Variants in ANKRD33B observed in about 807,000 individuals in gnomAD.
ANKRD33B encodes the protein ankyrin repeat domain 33B.
A neutral mutation model predicts 21.5 loss-of-function variants in ANKRD33B; 6 were observed. That is an observed-to-expected ratio of 0.28 (90% CI 0.15 to 0.55). The LOEUF (loss-of-function observed/expected upper bound fraction) is 0.55, where lower values mean the gene tolerates loss of function less well. Among genes scored for constraint, ANKRD33B ranks in the 20% least tolerant of loss-of-function variants. The pLI is 0.94. For missense variants in ANKRD33B, 698 were observed against 747.2 expected, an observed-to-expected ratio of 0.93 and a Z score of 0.77; for synonymous variants, 347 against 342.4, an observed-to-expected ratio of 1.01 and a Z score of -0.15.
rs1419808629 is a variant in ANKRD33B, at chr5:10,564,619, G to A, written c.152G>A (p.Ser51Asn). Reference protein sequence around the residue: ...EDFSSLPDTRSIASDDSFYPF... With the variant: ...EDFSSLPDTRNIASDDSFYPF... ...TTCTCGAGTCTGCCAGACACCCGCAGCATCGCCTCGGACGACTCTTTCTAC... is the reference window on the plus strand; with the variant it reads ...TTCTCGAGTCTGCCAGACACCCGCAACATCGCCTCGGACGACTCTTTCTAC... Residue 51 changes from serine (S) to asparagine (N), a missense_variant, in exon 1 of 4, where the codon AGC becomes AAC. Around this residue, in one of 3 missense-constraint regions of ANKRD33B, gnomAD observed 148 missense variants for 154.9 expected, o/e 0.96. Coordinates refer to ENST00000296657, the MANE Select transcript of ANKRD33B (RefSeq NM_001164440.2). The A allele has an allele frequency of 3.3e-6, 5 of 1,534,918 alleles. No individual in the cohort carries two copies. Among genetic ancestry groups the A allele is most frequent in the Non-Finnish European group, 4.4e-6 (5 of 1,146,674 alleles).
chr5:10,644,628 T>C (rs1737149370), intron 3 of ANKRD33B, among the ~76,000 whole-genome samples: 1 of 152,236 alleles, frequency 6.6e-6, no homozygotes, highest in Non-Finnish European at 1.5e-5. Flanking sequence ...AGGGTTGCTC[T>C]TGTCTCAGGG....
At position 10,609,722 on chromosome 5, in the gene ANKRD33B, G is replaced by A. The variant is rs995945417; in HGVS notation, c.367-8611G>A. On this transcript the variant is annotated intron_variant, in intron 1 of 3. Coordinates refer to ENST00000296657, the MANE Select transcript of ANKRD33B (RefSeq NM_001164440.2). ...TCAGGGGTTCGAGACCAGACTGGCCGACGTGGTGAAACCCCATTTCTACTA... is the reference window on the plus strand; with the variant it reads ...TCAGGGGTTCGAGACCAGACTGGCCAACGTGGTGAAACCCCATTTCTACTA... 9.2e-5 allele frequency among the ~76,000 whole-genome samples: 14 copies of A among 152,010 alleles called. No homozygotes were observed. The South Asian group carries it at 2.7e-3, about 29-fold the overall frequency.
At chr5:10,582,812 C>T (rs1735471606) in intron 1 of ANKRD33B, among the ~76,000 whole-genome samples, 1 of 152,210 alleles carries the variant, frequency 6.6e-6, no homozygotes, top group Admixed American at 6.5e-5. Flanking sequence ...TTTGGACCCT[C>T]ATCGCAGTTC....
chr5:10,640,262 C>T (rs78892812), intron 3 of ANKRD33B, among the ~76,000 whole-genome samples: 1 of 152,288 alleles, frequency 6.6e-6, no homozygotes, highest in African/African-American at 2.4e-5. Context: ...GGAAAATTCT[C>T]AGGCTATCAA....
At position 10,638,107 on chromosome 5, in the gene ANKRD33B, C is replaced by T. The variant is rs142868191; in HGVS notation, c.576C>T (p.Thr192=). Reference sequence around the variant, plus strand: ...AAAGGAGGAACGCGTTCGGGTTCACCGCCCTGATGAAAGCCGCCATGCAGG... The same window carrying T: ...AAAGGAGGAACGCGTTCGGGTTCACTGCCCTGATGAAAGCCGCCATGCAGG... ...DLERRNAFGF[T]ALMKAAMQGR... is the part of the protein sequence containing the mutation. Residue 192 remains threonine (T), a synonymous_variant, in exon 3 of 4, where the codon ACC becomes ACT. Transcript: ENST00000296657. 6 of 1,537,498 alleles carry T rather than the reference C, an allele frequency of 3.9e-6. No homozygotes were observed. Among genetic ancestry groups the T allele is most frequent in the East Asian group, 2.4e-5 (1 of 41,058 alleles).
intron 1 of ANKRD33B, among the ~76,000 whole-genome samples, chr5:10,610,985 G>A (rs541073334): frequency 3.9e-5 from 6 of 152,250 alleles, no homozygotes; most frequent in South Asian, 4.1e-4. Context: ...CGGAGGTTGC[G>A]GTAAGCTGAG....
intron 1 of ANKRD33B, among the ~76,000 whole-genome samples, chr5:10,607,889 C>A (rs566948291): frequency 2.0e-5 from 3 of 152,246 alleles, no homozygotes; most frequent in African/African-American, 7.2e-5. Flanking sequence ...TTCCTTTAGC[C>A]CTCTCTAGGA....
intron 3 of ANKRD33B, among the ~76,000 whole-genome samples, chr5:10,643,236 A>G (rs1737105829): frequency 1.3e-5 from 2 of 152,130 alleles, no homozygotes; most frequent in African/African-American, 4.8e-5. Context: ...ACTAACATGC[A>G]GAGCCAGATA....
intron 1 of ANKRD33B, 138 bp downstream of exon 1, chr5:10,564,971 C>G (rs1286989278): frequency 1.6e-6 from 2 of 1,260,684 alleles, no homozygotes; most frequent in African/African-American, 1.5e-5. Flanking sequence ...GCGCCTTTTC[C>G]CCGCTGTTTG....
chr5:10,653,437 A>C lies in ANKRD33B; in HGVS notation c.*3324A>C, dbSNP rs1455172269. On this transcript the variant is annotated 3_prime_UTR_variant, in exon 4 of 4. Transcript: ENST00000296657. ...GGGAGTGCAGGAGACCAGGGAGGGA[A>C]GCCCAGATGATGGGGAAACAGAGCC... The C allele has an allele frequency of 6.5e-6, 1 of 152,764 alleles. No homozygotes were observed. The highest frequency in any genetic ancestry group is 6.5e-5 in the Admixed American group (1 of 15,282). 9.5% of individuals were successfully genotyped at this position (152,764 alleles called of 1,614,324 possible).
At chr5:10,583,117 C>T (rs944171886) in intron 1 of ANKRD33B, among the ~76,000 whole-genome samples, 34 of 151,976 alleles carry the variant, frequency 2.2e-4, no homozygotes, top group Non-Finnish European at 8.8e-5. Flanking sequence ...CTGCCTCAGC[C>T]TCCCGAGTAG....
intron 1 of ANKRD33B, among the ~76,000 whole-genome samples, chr5:10,595,691 C>G (rs1007379428): frequency 1.3e-5 from 2 of 152,146 alleles, no homozygotes; most frequent in Admixed American, 1.3e-4. Flanking sequence ...CTTGGACACC[C>G]TTAAGAGACG....
intron 2 of ANKRD33B, among the ~76,000 whole-genome samples, chr5:10,636,726 C>T (rs1295379204): frequency 6.6e-6 from 1 of 152,214 alleles, no homozygotes; most frequent in African/African-American, 2.4e-5. Flanking sequence ...ACCTCATCAG[C>T]AGGGGCCTGG....
At chr5:10,592,450 TAAAAA>T (rs35660672) in intron 1 of ANKRD33B, among the ~76,000 whole-genome samples, 1 of 69,112 alleles carries the variant, frequency 1.4e-5, no homozygotes, top group Non-Finnish European at 2.6e-5. Context: ...CCATCTCTAC[TAAAAA>T]AAAAAAAAAA....
chr5:10,633,241 AC>A (rs1736773176), intron 2 of ANKRD33B, among the ~76,000 whole-genome samples: 1 of 151,698 alleles, frequency 6.6e-6, no homozygotes, highest in Admixed American at 6.6e-5. Context: ...AACTGGGACT[AC>A]AGGTGCACGC....
At chr5:10,575,460 G>A (rs1458902053) in intron 1 of ANKRD33B, among the ~76,000 whole-genome samples, 1 of 151,676 alleles carries the variant, frequency 6.6e-6, no homozygotes, top group African/African-American at 2.4e-5. Flanking sequence ...CTATGCCATT[G>A]TTGGGCCTTA....
chr5:10,621,511 C>T (rs1468881405), intron 2 of ANKRD33B, among the ~76,000 whole-genome samples: 2 of 152,210 alleles, frequency 1.3e-5, no homozygotes, highest in Non-Finnish European at 2.9e-5. Context: ...TACCCATTTT[C>T]CTGTCCTACG....
intron 1 of ANKRD33B, among the ~76,000 whole-genome samples, chr5:10,608,272 C>T (rs997348561): frequency 4.6e-5 from 7 of 150,604 alleles, no homozygotes; most frequent in Admixed American, 2.7e-4. Context: ...GCAGGAGAAT[C>T]GCCTGAACCC....
chr5:10,581,847 G>A (rs916928241), intron 1 of ANKRD33B, among the ~76,000 whole-genome samples: 4 of 152,186 alleles, frequency 2.6e-5, no homozygotes, highest in Admixed American at 6.5e-5. Context: ...TGCCTGCCCT[G>A]TAGATTTTGG....
Sources: allele counts gnomAD v4.1 joint callset (sites outside exome capture counted in the v4.1 genomes callset), GRCh38; gene constraint gnomAD v4.1.1; regional missense constraint gnomAD v4.1.1; transcripts MANE v1.5; gene names NCBI Gene and HGNC (gene_info 2026-07-23, HGNC 2026-07-21).